Variants in KHDC4 observed in about 807,000 individuals in gnomAD.
KHDC4 encodes KH homology domain-containing protein 4.
KHDC4 carries 19 observed loss-of-function variants against 74.5 expected under a neutral mutation model. The observed-to-expected ratio is 0.26, with a 90% confidence interval of 0.18 to 0.37. The LOEUF (loss-of-function observed/expected upper bound fraction) is 0.37. Ranked by LOEUF, KHDC4 falls within the 10% of genes least tolerant of loss-of-function variation. The probability of loss-of-function intolerance (pLI) is 1.00; values close to 1 mark genes in which losing one functional copy is unlikely to be tolerated. For synonymous variants in KHDC4, 253 were observed against 266.1 expected, an observed-to-expected ratio of 0.95 and a Z score of 0.48; for missense variants, 632 against 754.1, an observed-to-expected ratio of 0.84 and a Z score of 1.90.
chr1:155,915,654 C>T lies in KHDC4; in HGVS notation c.1645+219G>A, dbSNP rs1316368691. On this transcript the variant is annotated intron_variant, in intron 13 of 13. Transcript: ENST00000368321. ...CCCTGAGTAGCTGGAATTACAGGCG[C>T]CCACCACCATGCCCGCTAGTTTTTG... The T allele has an allele frequency of 4.3e-5, 20 of 467,704 alleles. No homozygotes were observed. In the Admixed American group the frequency reaches 7.4e-4, roughly 17 times the overall value. The allele number at this position is 467,704 out of a possible 1,614,324, so 29.0% of individuals were successfully genotyped here. A position where few individuals can be genotyped will look rare whatever the true frequency, so the allele number is the denominator to read the frequency against.
Position 155,933,817 on chromosome 1 carries a change from G to C in KHDC4, c.71C>G (p.Ala24Gly). 1 of 1,585,264 alleles carries C rather than the reference G, an allele frequency of 6.3e-7. No homozygotes were observed. Among genetic ancestry groups the C allele is most frequent in the Non-Finnish European group, 8.6e-7 (1 of 1,164,094 alleles). ...RRSKWDQPAP[A>G]PLLFLPPAAP... ...CGCTGGCGGGAGGAAGAGAAGTGGG[G>C]CTGGAGCTGGTTGGTCCCATTTGCT... The change falls in exon 2 of 14, where the codon GCC becomes GGC. Residue 24 changes from alanine to glycine, a missense_variant. Around this residue, in one of 4 missense-constraint regions of KHDC4, gnomAD observed 104 missense variants for 78.1 expected, o/e 1.33. Transcript: ENST00000368321.
At position 155,913,949 on chromosome 1, in the gene KHDC4, A is replaced by C; in HGVS notation, c.*172T>G. On this transcript the variant is annotated 3_prime_UTR_variant, in exon 14 of 14. Coordinates refer to ENST00000368321, the MANE Select transcript of KHDC4 (RefSeq NM_014949.4). ...ACAGATTCTATGCCACTGCAGAAAT[A>C]AGGATTTTTGTGGTTGTTAAGGAAC... The C allele has an allele frequency of 1.7e-6, 1 of 600,418 alleles. No homozygotes were observed. Among genetic ancestry groups the C allele is most frequent in the Non-Finnish European group, 3.0e-6 (1 of 336,634 alleles). 37.2% of individuals were successfully genotyped at this position (600,418 alleles called of 1,614,324 possible).
intron 10 of KHDC4, chr1:155,919,967 C>A (rs768756059): frequency 1.9e-6 from 1 of 518,202 alleles, no homozygotes; most frequent in African/African-American, 1.9e-5. Context: ...GGCAATGGTT[C>A]GAGGCTGCCA....
chr1:155,917,454 T>C, intron 11 of KHDC4, 45 bp downstream of exon 11: 1 of 1,422,074 alleles, frequency 7.0e-7, no homozygotes, highest in Non-Finnish European at 9.9e-7. Context: ...GAGAATATAG[T>C]AGAAGAATAA....
chr1:155,921,121 G>C, intron 10 of KHDC4: 1 of 490,190 alleles, frequency 2.0e-6, no homozygotes, highest in South Asian at 2.5e-5. Flanking sequence ...ACCCTTTATA[G>C]CAAGTGTGCC....
chr1:155,914,532 A>T, intron 13 of KHDC4: 2 of 455,694 alleles, frequency 4.4e-6, no homozygotes, highest in Non-Finnish European at 7.7e-6. Flanking sequence ...GAACCATGTA[A>T]GAAAACAGAG....
chr1:155,922,378 C>G (rs1282541255), intron 8 of KHDC4, among the ~76,000 whole-genome samples: 1 of 152,106 alleles, frequency 6.6e-6, no homozygotes, highest in African/African-American at 2.4e-5. Flanking sequence ...AACTCCTGAC[C>G]TCATTATCTG....
intron 6 of KHDC4, 170 bp from the exon 7 acceptor site, chr1:155,926,013 C>T (rs751962484): frequency 1.3e-6 from 1 of 767,338 alleles, no homozygotes; most frequent in South Asian, 1.4e-5. Context: ...GCTGCTCTCT[C>T]CAACCCTTTT....
Position 155,934,363 on chromosome 1 carries a change from C to T in KHDC4, c.11G>A (p.Gly4Glu). The change falls in exon 1 of 14, where the codon GGG (glycine) becomes GAG (glutamate). Residue 4 changes from glycine (G) to glutamate (E), a missense_variant. Gly to Glu is a moderately conservative substitution (Grantham distance 98, BLOSUM62 -2). Transcript: ENST00000368321. MSA[G>E]SATHPGAGGR... ...GCCAGCTCCAGGATGTGTCGCGCTC[C>T]CCGCGGACATGGCGACCGCTTCTAC... The T allele has an allele frequency of 6.2e-7, 1 of 1,611,604 alleles. No homozygotes were observed. The highest frequency in any genetic ancestry group is 8.5e-7 in the Non-Finnish European group (1 of 1,179,924).
At chr1:155,930,074 A>G (rs1674109397) in intron 2 of KHDC4, among the ~76,000 whole-genome samples, 2 of 151,986 alleles carry the variant, frequency 1.3e-5, no homozygotes, top group Non-Finnish European at 2.9e-5. Flanking sequence ...CACCATGCCC[A>G]GCTAATTTTC....
At chr1:155,932,493 T>G (rs972164705) in intron 2 of KHDC4, 1 of 152,170 alleles carries the variant, frequency 6.6e-6, no homozygotes, top group Non-Finnish European at 1.5e-5. Context: ...CCAGTGTTTA[T>G]GTATCCTGCT....
At chr1:155,925,591 T>G in intron 7 of KHDC4, 41 bp downstream of exon 7, 3 of 1,535,880 alleles carry the variant, frequency 2.0e-6, no homozygotes, top group Non-Finnish European at 2.7e-6. Context: ...TACCAACAAG[T>G]TGACAAGAAT....
rs191098429 is a variant in KHDC4, at chr1:155,931,480, G to A, written c.256-1640C>T. Among the ~76,000 whole-genome samples the A allele has an allele frequency of 2.0e-5, 3 of 152,296 alleles. No individual in the cohort carries two copies. In the East Asian group the frequency reaches 5.8e-4, roughly 29 times the overall value. The stretch of plus-strand genomic sequence containing the variant: ...ATGGTGGCATGCGTCTGTAGTCGCA[G>A]CTACTTGGGAGGCTGAGCCTGGGAG... On this transcript the variant is annotated intron_variant, in intron 2 of 13. Coordinates refer to ENST00000368321, the MANE Select transcript of KHDC4 (RefSeq NM_014949.4).
chr1:155,919,961 A>C, intron 10 of KHDC4: 2 of 518,124 alleles, frequency 3.9e-6, no homozygotes, highest in Non-Finnish European at 7.7e-6. Context: ...GGACTGGGCA[A>C]TGGTTCGAGG....
intron 2 of KHDC4, chr1:155,932,640 T>C (rs897165611): frequency 6.6e-6 from 1 of 152,230 alleles, no homozygotes; most frequent in Non-Finnish European, 1.5e-5. Flanking sequence ...ATAAACCTTA[T>C]AAATGGATGA....
Position 155,925,907 on chromosome 1 carries a change from A to G in KHDC4, c.682-64T>C, listed in dbSNP as rs1673981116. On this transcript the variant is annotated intron_variant, in intron 6 of 13. Coordinates refer to ENST00000368321, the MANE Select transcript of KHDC4 (RefSeq NM_014949.4). ...TATAATTAAATCCTCAATCTTTGAA[A>G]TAAGTCAATAAGAAATTATAGCAAA... 3 of 1,295,240 alleles carry G rather than the reference A, an allele frequency of 2.3e-6. No individual in the cohort carries two copies. The South Asian group carries it at 3.6e-5, about 15-fold the overall frequency. 80.2% of individuals were successfully genotyped at this position (1,295,240 alleles called of 1,614,324 possible). A position where few individuals can be genotyped will look rare whatever the true frequency, so the allele number is the denominator to read the frequency against.
intron 6 of KHDC4, 137 bp downstream of exon 6, chr1:155,926,539 A>G (rs1674004311): frequency 3.2e-6 from 3 of 947,888 alleles, no homozygotes; most frequent in African/African-American, 3.3e-5. Context: ...GCTGGTCCAA[A>G]TTCCTGACCT....
chr1:155,931,654 G>A (rs976985285), intron 2 of KHDC4, among the ~76,000 whole-genome samples: 1 of 152,136 alleles, frequency 6.6e-6, no homozygotes, highest in Admixed American at 6.6e-5. Context: ...TGAACTCCTG[G>A]CCTCAAGTGA....
In KHDC4 at chr1:155,933,574, G is replaced by A. The variant is rs1488878035; in HGVS notation, c.255+59C>T. On this transcript the variant is annotated intron_variant, in intron 2 of 13. Coordinates refer to ENST00000368321, the MANE Select transcript of KHDC4 (RefSeq NM_014949.4). The stretch of plus-strand genomic sequence containing the variant: ...GCTGGGATTACAGGCGTAAGCCACC[G>A]CGCCCGGCAAAACAACTATTAAATT... 2.9e-6 allele frequency: 4 copies of A among 1,398,362 alleles called. No homozygotes were observed. The African/African-American group carries it at 4.3e-5, about 15-fold the overall frequency. The allele number at this position is 1,398,362 out of a possible 1,614,324, so 86.6% of individuals were successfully genotyped here.
Sources: allele counts gnomAD v4.1 joint callset (sites outside exome capture counted in the v4.1 genomes callset), GRCh38; gene constraint gnomAD v4.1.1; regional missense constraint gnomAD v4.1.1; transcripts MANE v1.5; gene names NCBI Gene and HGNC (gene_info 2026-07-23, HGNC 2026-07-21).